Variants in IMMP2L observed in about 807,000 individuals in gnomAD.
IMMP2L encodes the protein mitochondrial inner membrane protease subunit 2.
IMMP2L carries 18 observed loss-of-function variants against 19.3 expected under a neutral mutation model. That is an observed-to-expected ratio of 0.93 (90% confidence interval 0.64 to 1.38). IMMP2L has a LOEUF of 1.38. Ranked by LOEUF, IMMP2L falls within the 40% of genes most tolerant of loss-of-function variation. IMMP2L has a pLI of 0.00. For missense variants in IMMP2L, 233 were observed against 218.2 expected (o/e 1.07, Z -0.43); for synonymous variants, 76 against 73.0 (o/e 1.04, Z -0.21).
intron 3 of IMMP2L, among the ~76,000 whole-genome samples, chr7:111,433,880 T>C (rs1408730861): frequency 6.6e-6 from 1 of 151,832 alleles, no homozygotes; most frequent in Admixed American, 6.5e-5. Context: ...TGGAGCAATC[T>C]ACAGGTTCAA....
At chr7:111,377,865 T>A (rs570696083) in intron 3 of IMMP2L, among the ~76,000 whole-genome samples, 1,685 of 152,106 alleles carry the variant, frequency 0.011, 35 homozygotes, top group African/African-American at 0.037. Flanking sequence ...CATCCACATA[T>A]ATATCTTATC....
chr7:110,694,927 T>C (rs556750822), intron 5 of IMMP2L, among the ~76,000 whole-genome samples: 32 of 152,286 alleles, frequency 2.1e-4, no homozygotes, highest in African/African-American at 7.5e-4. Flanking sequence ...GGATAAACCT[T>C]GAAAGCGTCG....
intron 4 of IMMP2L, among the ~76,000 whole-genome samples, chr7:110,934,269 A>C (rs1203018181): frequency 6.6e-6 from 1 of 152,120 alleles, no homozygotes; most frequent in African/African-American, 2.4e-5. Context: ...TCATGTTGTC[A>C]ATTTTAGAAT....
chr7:111,198,645 T>G (rs1809760925), intron 3 of IMMP2L, among the ~76,000 whole-genome samples: 1 of 152,178 alleles, frequency 6.6e-6, no homozygotes, highest in Non-Finnish European at 1.5e-5. Flanking sequence ...AAATGATGCC[T>G]TTTTCCACCA....
intron 5 of IMMP2L, among the ~76,000 whole-genome samples, chr7:110,864,466 CA>C (rs879444883): frequency 6.6e-6 from 1 of 151,922 alleles, no homozygotes. Context: ...ATTTATAAAG[CA>C]AAAATTTGAC....
chr7:111,066,246 G>GC (rs1801277779), intron 3 of IMMP2L, among the ~76,000 whole-genome samples: 1 of 152,084 alleles, frequency 6.6e-6, no homozygotes, highest in Non-Finnish European at 1.5e-5. Flanking sequence ...CTCCCAAAGT[G>GC]CTGGGATTAC....
chr7:111,480,082 C>T (rs1215559129), intron 3 of IMMP2L, among the ~76,000 whole-genome samples: 1 of 150,592 alleles, frequency 6.6e-6, no homozygotes, highest in South Asian at 2.1e-4. Context: ...TTAAGGATAC[C>T]AACTTTTTTT....
chr7:111,271,672 G>A (rs1274050090), intron 3 of IMMP2L, among the ~76,000 whole-genome samples: 5 of 152,056 alleles, frequency 3.3e-5, no homozygotes, highest in Non-Finnish European at 7.4e-5. Flanking sequence ...AGTGGCCCAG[G>A]TAACTACATC....
At position 111,486,955 on chromosome 7, in the gene IMMP2L, A is replaced by G. The variant is rs192529151; in HGVS notation, c.239+283T>C. ...AAGATGCAAAATTTCAAAATATTCC[A>G]AAGTAGTACCAAATGCATGTATTTT... is the stretch of plus-strand genomic sequence containing the variant. On this transcript the variant is annotated intron_variant, in intron 3 of 5. Transcript: ENST00000405709. Among the ~76,000 whole-genome samples the G allele has an allele frequency of 4.2e-4, 64 of 152,298 alleles. 2 individuals are homozygous for G. In the East Asian group the frequency reaches 0.012, roughly 28 times the overall value.
intron 4 of IMMP2L, among the ~76,000 whole-genome samples, chr7:110,937,526 T>C (rs1585343985): frequency 6.6e-6 from 1 of 152,290 alleles, no homozygotes; most frequent in Admixed American, 6.5e-5. Context: ...ACAGTTTCTA[T>C]TGGATGACTG....
rs115881165 is a variant in IMMP2L, at chr7:111,238,941, T to A, written c.239+248297A>T. On this transcript the variant is annotated intron_variant, in intron 3 of 5. Transcript: ENST00000405709. ...CTGCCTTTCAGAATGATACTGAAAA[T>A]TAAATGATAAAGTATGTAATGTTCT... Among the ~76,000 whole-genome samples, 1,356 of 152,014 alleles carry A rather than the reference T, an allele frequency of 8.9e-3. 27 individuals are homozygous for A. The highest frequency in any genetic ancestry group is 0.031 in the African/African-American group (1,300 of 41,514).
intron 5 of IMMP2L, among the ~76,000 whole-genome samples, chr7:110,744,315 C>T (rs1428872608): frequency 2.6e-5 from 4 of 152,136 alleles, no homozygotes; most frequent in African/African-American, 9.7e-5. Context: ...TGGTTGTAGG[C>T]GCAGCTTCAG....
chr7:111,159,672 C>T (rs1486084204), intron 3 of IMMP2L, among the ~76,000 whole-genome samples: 1 of 152,042 alleles, frequency 6.6e-6, no homozygotes, highest in African/African-American at 2.4e-5. Flanking sequence ...TGAAGGCTTA[C>T]ATGAAGAAAT....
chr7:110,835,769 A>G (rs1179067085), intron 5 of IMMP2L, among the ~76,000 whole-genome samples: 1 of 149,986 alleles, frequency 6.7e-6, no homozygotes, highest in Admixed American at 6.6e-5. Flanking sequence ...ACAGAAGATT[A>G]GAACTCTTTT....
At chr7:111,301,805 T>C (rs1822265914) in intron 3 of IMMP2L, among the ~76,000 whole-genome samples, 1 of 151,874 alleles carries the variant, frequency 6.6e-6, no homozygotes, top group South Asian at 2.1e-4. Context: ...ACTATGCCAT[T>C]GATCTATGTG....
At chr7:110,952,412 CT>C (rs1180405758) in intron 4 of IMMP2L, among the ~76,000 whole-genome samples, 2 of 152,104 alleles carry the variant, frequency 1.3e-5, no homozygotes, top group African/African-American at 4.8e-5. Context: ...TAATGGAACA[CT>C]GGGCATAAGT....
At chr7:111,260,996 G>A (rs1230570287) in intron 3 of IMMP2L, among the ~76,000 whole-genome samples, 1 of 152,208 alleles carries the variant, frequency 6.6e-6, no homozygotes, top group East Asian at 1.9e-4. Flanking sequence ...AATCAGGAAT[G>A]AAAATTCCAG....
intron 5 of IMMP2L, among the ~76,000 whole-genome samples, chr7:110,799,061 A>G (rs1261132451): frequency 6.6e-6 from 1 of 152,024 alleles, no homozygotes; most frequent in Non-Finnish European, 1.5e-5. Context: ...TTACCGAATT[A>G]TAAATAAATT....
At chr7:110,901,289 T>C (rs1038973110) in intron 4 of IMMP2L, among the ~76,000 whole-genome samples, 5 of 152,162 alleles carry the variant, frequency 3.3e-5, no homozygotes, top group Non-Finnish European at 5.9e-5. Flanking sequence ...TGTATGTATT[T>C]TCAATACATA....
Sources: gnomAD v4.1 joint callset for allele counts (sites outside exome capture counted in the v4.1 genomes callset) on GRCh38, gnomAD v4.1.1 for gene constraint, MANE v1.5 for transcripts, NCBI Gene and HGNC (gene_info 2026-07-23, HGNC 2026-07-21) for gene names.